The following ROBO3 variants were observed in gnomAD, a reference collection of about 807,000 sequenced individuals.
The protein encoded by ROBO3 is roundabout homolog 3.
A neutral mutation model predicts 160.5 loss-of-function variants in ROBO3; 97 were observed. The observed-to-expected ratio is 0.60, with a 90% CI of 0.51 to 0.72. ROBO3 has a LOEUF of 0.72. Ranked by LOEUF, ROBO3 falls within the 30% of genes least tolerant of loss-of-function variation. The pLI, the probability that ROBO3 is intolerant of heterozygous loss-of-function variation, is 0.00. For synonymous variants in ROBO3, 780 were observed against 746.2 expected (o/e 1.05, Z -0.74); for missense variants, 1,858 against 1,846.5 (o/e 1.01, Z -0.11).
Position 124,878,503 on chromosome 11 carries a change from G to C in ROBO3, c.3320+67G>C. The stretch of plus-strand genomic sequence containing the variant: ...AGACCATGGGCTGCTGGGGAGGAAG[G>C]GGAGGGGGCAGCAGGAAGGCCAACG... On this transcript the variant is annotated intron_variant, in intron 22 of 27. Coordinates refer to ENST00000397801, the MANE Select transcript of ROBO3 (RefSeq NM_022370.4). The surrounding 1 kb of genome is among the most constrained non-coding windows in gnomAD (Gnocchi z 4.3). 1 of 1,601,670 alleles carries C rather than the reference G, an allele frequency of 6.2e-7. No homozygotes were observed. The highest frequency in any genetic ancestry group is 8.5e-7 in the Non-Finnish European group (1 of 1,172,158).
chr11:124,877,163 T>A lies in ROBO3; in HGVS notation c.2782T>A (p.Ser928Thr). Residue 928 changes from serine (S) to threonine (T), a missense_variant and splice_region_variant, in exon 18 of 28, where the codon TCT becomes ACT. Physicochemically the swap from Ser to Thr is moderately conservative, Grantham distance 58 (BLOSUM62 1). Transcript: ENST00000397801. ...QRKELSHYTA[S>T]FAYTPAVSFP... ...TCCCACGGGTTCCTTTCTGGAAGCC[T>A]CTTTTGCCTACACACCGGCAGGTAA... 2 of 1,613,920 alleles carry A rather than the reference T, an allele frequency of 1.2e-6. No homozygotes were observed. Among genetic ancestry groups the A allele is most frequent in the East Asian group, 4.5e-5 (2 of 44,862 alleles).
intron 1 of ROBO3, among the ~76,000 whole-genome samples, chr11:124,866,113 A>G (rs941182229): frequency 2.2e-4 from 33 of 152,242 alleles, no homozygotes; most frequent in African/African-American, 7.5e-4. Flanking sequence ...GCCTCGGCCA[A>G]GCCAGGTCAC....
At chr11:124,874,970 C>T in intron 13 of ROBO3, 61 bp downstream of exon 13, 1 of 1,565,928 alleles carries the variant, frequency 6.4e-7, no homozygotes, top group Non-Finnish European at 8.7e-7. Flanking sequence ...ATGAGGGCCT[C>T]CAAGAGTGAG....
rs542401532 is a variant in ROBO3 at position 124,869,756 on chromosome 11, T to C, written c.645+149T>C. On this transcript the variant is annotated intron_variant, in intron 3 of 27. Transcript: ENST00000397801. This position sits in a 1 kb window ranked among gnomAD's most constrained non-coding sequence, Gnocchi z 4.2. The stretch of plus-strand genomic sequence containing the variant: ...AGGGATAAGGAAGACGGAATTGGTA[T>C]AAAAAAGGGGCGGGGGCATGATGCC... 8.9e-5 allele frequency: 113 copies of C among 1,263,116 alleles called. No individual in the cohort carries two copies. The African/African-American group carries it at 1.2e-3, about 14-fold the overall frequency. The allele number at this position is 1,263,116 out of a possible 1,614,324, so 78.2% of individuals were successfully genotyped here. A position where few individuals can be genotyped will look rare whatever the true frequency, so the allele number is the denominator to read the frequency against.
chr11:124,878,433 G>A lies in ROBO3; in HGVS notation c.3317G>A (p.Gly1106Asp). Residue 1106 changes from glycine to aspartate, a missense_variant, in exon 22 of 28, where the codon GGC becomes GAC. By Grantham distance (94) the Gly-to-Asp change is moderately conservative. Transcript: ENST00000397801. The surrounding 1 kb of genome is among the most constrained non-coding windows in gnomAD (Gnocchi z 4.3). ...CLEGPEEELE[G>D]SSEPEEWCPP... is the part of the protein sequence containing the mutation. ...GAAGGGCCGGAGGAGGAGCTGGAGG[G>A]CAGGTAGAGATGCTCCCTGCTTCCA... 1 of 1,612,822 alleles carries A rather than the reference G, an allele frequency of 6.2e-7. No homozygotes were observed. The highest frequency in any genetic ancestry group is 8.5e-7 in the Non-Finnish European group (1 of 1,179,182).
At position 124,878,483 on chromosome 11, in the gene ROBO3, ATGGGCTGCTGGGGAGGAAGGGGAG is replaced by A. The variant is rs756332412; in HGVS notation, c.3320+48_3320+71del. The A allele has an allele frequency of 1.2e-6, 2 of 1,605,378 alleles. No homozygotes were observed. Among genetic ancestry groups the A allele is most frequent in the African/African-American group, 2.7e-5 (2 of 74,698 alleles). ...AGGCCCACACACCTGCGGCCAGACC[ATGGGCTGCTGGGGAGGAAGGGGAG>A]GGGGCAGCAGGAAGGCCAACGGGAA... On this transcript the variant is annotated intron_variant, in intron 22 of 27. Transcript: ENST00000397801. The surrounding 1 kb of genome is among the most constrained non-coding windows in gnomAD (Gnocchi z 4.3).
In ROBO3 at chr11:124,869,329, C is replaced by A. The variant is rs1946246825; in HGVS notation, c.488-121C>A. Reference sequence around the variant, plus strand: ...CTGACTCCAGGCTGATATTTTCTCACCTGGGAACGAATTCCAGTCTGCAGC... The same window carrying A: ...CTGACTCCAGGCTGATATTTTCTCAACTGGGAACGAATTCCAGTCTGCAGC... On this transcript the variant is annotated intron_variant, in intron 2 of 27. Coordinates refer to ENST00000397801, the MANE Select transcript of ROBO3 (RefSeq NM_022370.4). The surrounding 1 kb of genome is among the most constrained non-coding windows in gnomAD (Gnocchi z 4.2). 3 of 1,150,720 alleles carry A rather than the reference C, an allele frequency of 2.6e-6. No homozygotes were observed. The highest frequency in any genetic ancestry group is 2.6e-5 in the South Asian group (2 of 76,324). The allele number at this position is 1,150,720 out of a possible 1,614,324, so 71.3% of individuals were successfully genotyped here.
intron 1 of ROBO3, 32 bp from the exon 2 acceptor site, chr11:124,868,770 T>C (rs1946237616): frequency 6.4e-7 from 1 of 1,574,498 alleles, no homozygotes. Context: ...AATTTCCCTG[T>C]CTGAACGCTC....
chr11:124,869,100 G>T lies in ROBO3; in HGVS notation c.459G>T (p.Ala153=). The T allele has an allele frequency of 6.3e-7, 1 of 1,575,866 alleles. No individual in the cohort carries two copies. Among genetic ancestry groups the T allele is most frequent in the East Asian group, 2.3e-5 (1 of 43,882 alleles). ...CTCGCAACTACCTGGGGGCAGCAGC[G>T]AGCAGAAACGCCTCGCTGGAAGTGG... ...CVARNYLGAA[A]SRNASLEVAV... Residue 153 remains alanine (A), a synonymous_variant, in exon 2 of 28, where the codon GCG becomes GCT. Transcript: ENST00000397801. The surrounding 1 kb of genome is among the most constrained non-coding windows in gnomAD (Gnocchi z 4.2).
Position 124,876,777 on chromosome 11 carries a change from G to T in ROBO3, c.2779+317G>T. 1 of 364,460 alleles carries T rather than the reference G, an allele frequency of 2.7e-6. No homozygotes were observed. The highest frequency in any genetic ancestry group is 5.5e-5 in the East Asian group (1 of 18,046). 22.6% of individuals were successfully genotyped at this position (364,460 alleles called of 1,614,324 possible). A position where few individuals can be genotyped will look rare whatever the true frequency, so the allele number is the denominator to read the frequency against. ...CGGAAAGCCCACTCAAAGGGCGGGG[G>T]GCGGGGCCTGGCAAGAGGGGGTGTG... On this transcript the variant is annotated intron_variant, in intron 17 of 27. Coordinates refer to ENST00000397801, the MANE Select transcript of ROBO3 (RefSeq NM_022370.4). This position sits in a 1 kb window ranked among gnomAD's most constrained non-coding sequence, Gnocchi z 5.3.
Position 124,870,647 on chromosome 11 carries a change from G to A in ROBO3, c.952G>A (p.Ala318Thr). 2 of 1,613,570 alleles carry A rather than the reference G, an allele frequency of 1.2e-6. No homozygotes were observed. The highest frequency in any genetic ancestry group is 1.7e-6 in the Non-Finnish European group (2 of 1,179,768). The change falls in exon 6 of 28, where the codon GCC becomes ACC. Residue 318 changes from alanine (A) to threonine (T), a missense_variant. Physicochemically the swap from Ala to Thr is moderately conservative, Grantham distance 58. Transcript: ENST00000397801. ...DHSLWIGHVSAEDEGTYTCVA... is the reference protein window; with the variant it reads ...DHSLWIGHVSTEDEGTYTCVA... Reference sequence around the variant, plus strand: ...CAGCCTTTGGATTGGGCATGTGAGTGCCGAAGATGAGGGAACGTACACCTG... The same window carrying A: ...CAGCCTTTGGATTGGGCATGTGAGTACCGAAGATGAGGGAACGTACACCTG...
chr11:124,873,924 G>A lies in ROBO3; in HGVS notation c.1784+62G>A. ...AAAAGGAGGGGATCCTATGCCCTTAGGGTCTTTGCTATTGTGAGGTGGGAT... is the reference window on the plus strand; with the variant it reads ...AAAAGGAGGGGATCCTATGCCCTTAAGGTCTTTGCTATTGTGAGGTGGGAT... On this transcript the variant is annotated intron_variant, in intron 11 of 27. Transcript: ENST00000397801. This position sits in a 1 kb window ranked among gnomAD's most constrained non-coding sequence, Gnocchi z 4.5. 6.2e-7 allele frequency: 1 copy of A among 1,601,046 alleles called. No homozygotes were observed. Among genetic ancestry groups the A allele is most frequent in the African/African-American group, 1.3e-5 (1 of 74,694 alleles).
chr11:124,865,824 T>A lies in ROBO3; in HGVS notation c.160+87T>A. On this transcript the variant is annotated intron_variant, in intron 1 of 27. Coordinates refer to ENST00000397801, the MANE Select transcript of ROBO3 (RefSeq NM_022370.4). The surrounding 1 kb of genome is among the most constrained non-coding windows in gnomAD (Gnocchi z 5.5). ...TGGAAGGGAAGGAGAAGCGCTCCTG[T>A]CCCGAGGTCCGGGATTGAGTGGCGC... 1 of 1,402,322 alleles carries A rather than the reference T, an allele frequency of 7.1e-7. No homozygotes were observed. Among genetic ancestry groups the A allele is most frequent in the South Asian group, 1.4e-5 (1 of 72,206 alleles). The allele number at this position is 1,402,322 out of a possible 1,614,324, so 86.9% of individuals were successfully genotyped here.
intron 1 of ROBO3, chr11:124,868,396 A>G (rs948028859): frequency 1.6e-5 from 8 of 500,680 alleles, no homozygotes; most frequent in African/African-American, 3.8e-5. Context: ...TCTTTCACTG[A>G]GCAAGGACGA....
Position 124,875,790 on chromosome 11 carries a change from T to G in ROBO3, c.2421+105T>G, listed in dbSNP as rs371509268. ...GAGGAAATCTATTACAGGTTTGGCTTTAGGGTTGGGGATGAGTTTAGGGGA... is the reference window on the plus strand; with the variant it reads ...GAGGAAATCTATTACAGGTTTGGCTGTAGGGTTGGGGATGAGTTTAGGGGA... On this transcript the variant is annotated intron_variant, in intron 15 of 27. Transcript: ENST00000397801. The G allele has an allele frequency of 2.7e-6, 4 of 1,494,196 alleles. No homozygotes were observed. The African/African-American group carries it at 5.6e-5, about 21-fold the overall frequency. 92.6% of individuals were successfully genotyped at this position (1,494,196 alleles called of 1,614,324 possible). A position where few individuals can be genotyped will look rare whatever the true frequency, so the allele number is the denominator to read the frequency against.
rs374799875 is a variant in ROBO3 at position 124,865,761 on chromosome 11, A to G, written c.160+24A>G. On this transcript the variant is annotated intron_variant, in intron 1 of 27. Transcript: ENST00000397801. This position sits in a 1 kb window ranked among gnomAD's most constrained non-coding sequence, Gnocchi z 5.5. ...CGGTGAGACCCTGCCTCTTGGGGAT[A>G]TGGGATCCTGGGATGGGGATGAGGT... 1.6e-5 allele frequency: 25 copies of G among 1,588,162 alleles called. No homozygotes were observed. In the Middle Eastern group the frequency reaches 5.1e-4, roughly 32 times the overall value.
In ROBO3 at chr11:124,876,242, C is replaced by T. The variant is rs781761726; in HGVS notation, c.2594-33C>T. 218 of 1,491,906 alleles carry T rather than the reference C, an allele frequency of 1.5e-4. No individual in the cohort carries two copies. Among genetic ancestry groups the T allele is most frequent in the Non-Finnish European group, 1.9e-4 (214 of 1,129,738 alleles). 92.4% of individuals were successfully genotyped at this position (1,491,906 alleles called of 1,614,324 possible). On this transcript the variant is annotated intron_variant, in intron 16 of 27. Transcript: ENST00000397801. The surrounding 1 kb of genome is among the most constrained non-coding windows in gnomAD (Gnocchi z 5.3). ...CCTTTCCCAGTTCCAGGGTTTCGGG[C>T]CCCTCCTCCCCTCACTTCTCTGACC...
In ROBO3 at chr11:124,873,823, C is replaced by A. The variant is rs2135331051; in HGVS notation, c.1745C>A (p.Thr582Asn). Reference protein sequence around the residue: ...ITLTWKPNPQTGAAVTSYVIE... With the variant: ...ITLTWKPNPQNGAAVTSYVIE... Reference sequence around the variant, plus strand: ...CTGACCTGGAAGCCCAACCCACAAACTGGGGCTGCAGTCACGTCTTATGTG... The same window carrying A: ...CTGACCTGGAAGCCCAACCCACAAAATGGGGCTGCAGTCACGTCTTATGTG... Residue 582 changes from threonine (T) to asparagine (N), a missense_variant, in exon 11 of 28, where the codon ACT becomes AAT. Thr to Asn is a moderately conservative substitution (Grantham distance 65, BLOSUM62 0). Transcript: ENST00000397801. The surrounding 1 kb of genome is among the most constrained non-coding windows in gnomAD (Gnocchi z 4.5). The A allele has an allele frequency of 6.2e-7, 1 of 1,613,790 alleles. No individual in the cohort carries two copies. Among genetic ancestry groups the A allele is most frequent in the Non-Finnish European group, 8.5e-7 (1 of 1,179,792 alleles).
rs779368104 is a variant in ROBO3, at chr11:124,879,511, AC to A, written c.3736del (p.Arg1246ValfsTer38). 1 of 1,613,700 alleles carries A rather than the reference AC, an allele frequency of 6.2e-7. No individual in the cohort carries two copies. The highest frequency in any genetic ancestry group is 1.1e-5 in the South Asian group (1 of 91,024). ...GGGAGATGACTCCCCCACTTCAAGG[AC>A]CCCGTGCTCGATTCCGGAAGAAACC... ...NGEMTPPLQG[P>X]RARFRKKPKA... On this transcript the variant is annotated frameshift_variant, in exon 25 of 28. Transcript: ENST00000397801. LOFTEE classifies it high-confidence loss of function.
Sources: allele counts gnomAD v4.1 joint callset (sites outside exome capture counted in the v4.1 genomes callset), GRCh38; gene constraint gnomAD v4.1.1; non-coding constraint Gnocchi (gnomAD v3.1); transcripts MANE v1.5; gene names NCBI Gene and HGNC (gene_info 2026-07-23, HGNC 2026-07-21).